The following SLC24A2 variants were observed in gnomAD, a reference collection of about 807,000 sequenced individuals.
SLC24A2 encodes the protein solute carrier family 24 member 2, also known as sodium/potassium/calcium exchanger 2.
A neutral mutation model predicts 62.0 loss-of-function variants in SLC24A2; 36 were observed. That is an observed-to-expected ratio of 0.58 (90% CI 0.44 to 0.77). The LOEUF (loss-of-function observed/expected upper bound fraction) is 0.77. Among genes scored for constraint, SLC24A2 ranks in the 30% least tolerant of loss-of-function variants. SLC24A2 has a pLI of 0.00. For synonymous variants in SLC24A2, 358 were observed against 294.0 expected (o/e 1.22, Z -2.23); for missense variants, 846 against 817.9 (o/e 1.03, Z -0.42).
intron 2 of SLC24A2, among the ~76,000 whole-genome samples, chr9:19,723,580 T>C (rs2118667115): frequency 6.6e-6 from 1 of 152,250 alleles, no homozygotes; most frequent in East Asian, 1.9e-4. Flanking sequence ...CCATATGACT[T>C]TAGGATCGAG....
chr9:20,229,371 A>G, the SLC24A2 span, among the ~76,000 whole-genome samples: 1 of 152,306 alleles, frequency 6.6e-6, no homozygotes, highest in East Asian at 1.9e-4. Flanking sequence ...TTTTTGAAGA[A>G]GGAGTGAATA....
the SLC24A2 span, among the ~76,000 whole-genome samples, chr9:20,026,961 AAAC>A: frequency 2.0e-5 from 3 of 152,310 alleles, no homozygotes; most frequent in Non-Finnish European, 4.4e-5. Context: ...TAAGGAATTC[AAAC>A]AACTATATAG....
chr9:19,830,286 T>C, the SLC24A2 span, among the ~76,000 whole-genome samples: 1 of 152,222 alleles, frequency 6.6e-6, no homozygotes, highest in South Asian at 2.1e-4. Flanking sequence ...GTAAGTTCTT[T>C]CCAAAAACTC....
rs1180386627 is a variant in SLC24A2, at chr9:19,733,106, G to A, written c.930+52831C>T. On this transcript the variant is annotated intron_variant, in intron 2 of 10. Transcript: ENST00000341998. ...TCTTTTTTTTTTTTTTAAACACGCT[G>A]GGCATGTGAGCTACCTTCTGGATGG... is the stretch of plus-strand genomic sequence containing the variant. 5.3e-5 allele frequency among the ~76,000 whole-genome samples: 8 copies of A among 151,302 alleles called. No individual in the cohort carries two copies. In the South Asian group the frequency reaches 8.4e-4, roughly 16 times the overall value.
chr9:20,158,469 G>C, the SLC24A2 span, among the ~76,000 whole-genome samples: 1 of 151,510 alleles, frequency 6.6e-6, no homozygotes, highest in Non-Finnish European at 1.5e-5. Flanking sequence ...GCCATTTGAG[G>C]ACACATAGAA....
At chr9:19,694,928 G>GT (rs57037895) in intron 2 of SLC24A2, among the ~76,000 whole-genome samples, 6,754 of 152,080 alleles carry the variant, frequency 0.044, 497 homozygotes, top group African/African-American at 0.15. Flanking sequence ...TGATTTCCCT[G>GT]TTTTTTTCTT....
At chr9:20,102,565 C>T in the SLC24A2 span, among the ~76,000 whole-genome samples, 1 of 151,272 alleles carries the variant, frequency 6.6e-6, no homozygotes, top group Non-Finnish European at 1.5e-5. Flanking sequence ...ATGGGTGCAG[C>T]AAACCACCAT....
the SLC24A2 span, among the ~76,000 whole-genome samples, chr9:19,897,686 G>T: frequency 6.6e-6 from 1 of 152,052 alleles, no homozygotes; most frequent in East Asian, 1.9e-4. Flanking sequence ...ACTTTAAATC[G>T]TTCCCATTTT....
chr9:19,901,058 T>G, the SLC24A2 span, among the ~76,000 whole-genome samples: 2 of 152,222 alleles, frequency 1.3e-5, no homozygotes, highest in African/African-American at 4.8e-5. Context: ...ACACTGGCAC[T>G]TGAGACCCAC....
chr9:19,984,896 G>A, the SLC24A2 span, among the ~76,000 whole-genome samples: 2 of 152,086 alleles, frequency 1.3e-5, no homozygotes, highest in South Asian at 4.1e-4. Flanking sequence ...AAGGCAAGAG[G>A]AGTATATGGG....
At chr9:20,105,303 A>G in the SLC24A2 span, among the ~76,000 whole-genome samples, 3 of 152,196 alleles carry the variant, frequency 2.0e-5, no homozygotes, top group African/African-American at 7.2e-5. Context: ...ACAGAAAGTC[A>G]ACAAGGATAC....
At chr9:20,177,361 G>C in the SLC24A2 span, among the ~76,000 whole-genome samples, 1 of 152,052 alleles carries the variant, frequency 6.6e-6, no homozygotes, top group Non-Finnish European at 1.5e-5. Flanking sequence ...TCTCTAGAAA[G>C]AAATATCCTT....
At chr9:19,928,866 A>G in the SLC24A2 span, 1 of 152,176 alleles carries the variant, frequency 6.6e-6, no homozygotes, top group Non-Finnish European at 1.5e-5. Flanking sequence ...TAACACAGAA[A>G]AAAGGACCCT....
the SLC24A2 span, among the ~76,000 whole-genome samples, chr9:20,142,650 G>A: frequency 2.6e-3 from 398 of 152,136 alleles, no homozygotes; most frequent in African/African-American, 9.2e-3. Flanking sequence ...GGGATGAAGT[G>A]CAGTGGCACA....
At chr9:20,071,667 A>C in the SLC24A2 span, among the ~76,000 whole-genome samples, 1 of 152,140 alleles carries the variant, frequency 6.6e-6, no homozygotes, top group African/African-American at 2.4e-5. Flanking sequence ...ACAGAAGACG[A>C]CTAGAGGGGA....
At chr9:19,642,533 C>G (rs1257086138) in intron 2 of SLC24A2, among the ~76,000 whole-genome samples, 1 of 152,132 alleles carries the variant, frequency 6.6e-6, no homozygotes. Flanking sequence ...CCTCTGAGAA[C>G]CAAGTTCACT....
At chr9:20,288,955 G>C in the SLC24A2 span, among the ~76,000 whole-genome samples, 158 of 151,956 alleles carry the variant, frequency 1.0e-3, no homozygotes, top group Non-Finnish European at 1.8e-3. Flanking sequence ...CTGACAGCCG[G>C]CATCAACCAC....
intron 2 of SLC24A2, among the ~76,000 whole-genome samples, chr9:19,655,615 C>G (rs1044245854): frequency 7.2e-5 from 11 of 152,110 alleles, no homozygotes; most frequent in African/African-American, 2.7e-4. Context: ...TGTGATGAGG[C>G]TGGATAAATA....
At chr9:20,163,718 C>G in the SLC24A2 span, among the ~76,000 whole-genome samples, 2 of 152,138 alleles carry the variant, frequency 1.3e-5, no homozygotes, top group Non-Finnish European at 1.5e-5. Flanking sequence ...ATCATGCTAC[C>G]TGACTTCAAA....
Sources: gnomAD v4.1 joint callset for allele counts (sites outside exome capture counted in the v4.1 genomes callset) on GRCh38, gnomAD v4.1.1 for gene constraint, MANE v1.5 for transcripts, NCBI Gene and HGNC (gene_info 2026-07-23, HGNC 2026-07-21) for gene names.